DRC11: variants seen among roughly 807,000 people sequenced by gnomAD.
The protein encoded by DRC11 is dynein regulatory complex subunit 11.
chr2:236,432,744 A>C, the DRC11 span, among the ~76,000 whole-genome samples: 1 of 152,102 alleles, frequency 6.6e-6, no homozygotes, highest in Admixed American at 6.5e-5. Flanking sequence ...GTTTCCATGT[A>C]GGATTAAAAC....
chr2:236,497,501 G>A, the DRC11 span: 30 of 1,566,644 alleles, frequency 1.9e-5, no homozygotes, highest in Non-Finnish European at 2.4e-5. The surrounding 1 kb of genome is among the most constrained non-coding windows in gnomAD (Gnocchi z 5.1). Flanking sequence ...GGGGAAGAGA[G>A]AGAATTTAGA....
At chr2:236,397,098 G>A in the DRC11 span, among the ~76,000 whole-genome samples, 19 of 152,370 alleles carry the variant, frequency 1.2e-4, no homozygotes, top group African/African-American at 4.6e-4. The surrounding 1 kb of genome is among the most constrained non-coding windows in gnomAD (Gnocchi z 5.0). Context: ...CCAGCCTGCT[G>A]GAGGAAGCGC....
the DRC11 span, among the ~76,000 whole-genome samples, chr2:236,307,915 G>C: frequency 6.6e-6 from 1 of 151,768 alleles, no homozygotes; most frequent in Non-Finnish European, 1.5e-5. This position sits in a 1 kb window ranked among gnomAD's most constrained non-coding sequence, Gnocchi z 7.0. Context: ...ATATGCTTGC[G>C]GGGGCACAAG....
chr2:236,344,392 C>T, the DRC11 span, among the ~76,000 whole-genome samples: 7 of 152,318 alleles, frequency 4.6e-5, 1 homozygote, highest in Admixed American at 4.6e-4. Context: ...GACCACAGAA[C>T]CCTTTCAAAT....
chr2:236,306,985 G>A, the DRC11 span, among the ~76,000 whole-genome samples: 31 of 152,084 alleles, frequency 2.0e-4, no homozygotes, highest in African/African-American at 5.3e-4. This position sits in a 1 kb window ranked among gnomAD's most constrained non-coding sequence, Gnocchi z 5.9. Context: ...TTGCAGCCCC[G>A]TCCTATAATA....
At chr2:236,429,869 C>A in the DRC11 span, among the ~76,000 whole-genome samples, 2 of 152,056 alleles carry the variant, frequency 1.3e-5, no homozygotes, top group Admixed American at 1.3e-4. This position sits in a 1 kb window ranked among gnomAD's most constrained non-coding sequence, Gnocchi z 5.9. Flanking sequence ...TGAAGGGGGT[C>A]CCCTGCTTCT....
chr2:236,391,902 C>T, the DRC11 span: 3 of 1,281,704 alleles, frequency 2.3e-6, no homozygotes, highest in Non-Finnish European at 3.4e-6. This position sits in a 1 kb window ranked among gnomAD's most constrained non-coding sequence, Gnocchi z 4.5. Flanking sequence ...GGACATGCCA[C>T]AGCATGTCAG....
the DRC11 span, among the ~76,000 whole-genome samples, chr2:236,396,281 G>GC: frequency 1.7e-5 from 2 of 117,798 alleles, no homozygotes; most frequent in Non-Finnish European, 3.5e-5. Context: ...TTTCACACGT[G>GC]GGGGGGCAAT....
chr2:236,357,057 T>TTTATTCATATATTATATATCTATATA, the DRC11 span, among the ~76,000 whole-genome samples: 1 of 43,388 alleles, frequency 2.3e-5, no homozygotes, highest in Non-Finnish European at 4.1e-5. Context: ...TATATATCTA[T>TTTATTCATATATTATATATCTATATA]TTATATATTC....
the DRC11 span, among the ~76,000 whole-genome samples, chr2:236,465,020 G>C: frequency 1.3e-5 from 2 of 152,094 alleles, no homozygotes; most frequent in Non-Finnish European, 2.9e-5. The surrounding 1 kb of genome is among the most constrained non-coding windows in gnomAD (Gnocchi z 6.2). Context: ...AAATTATCCA[G>C]CCTCAGATAT....
chr2:236,409,151 G>C, the DRC11 span: 11 of 346,704 alleles, frequency 3.2e-5, no homozygotes, highest in Admixed American at 4.5e-4. Flanking sequence ...CTGTTGCCCA[G>C]GCTAGAGTGC....
At chr2:236,503,173 A>C in the DRC11 span, among the ~76,000 whole-genome samples, 1 of 152,208 alleles carries the variant, frequency 6.6e-6, no homozygotes. The surrounding 1 kb of genome is among the most constrained non-coding windows in gnomAD (Gnocchi z 4.9). Context: ...AATACCCTGA[A>C]GAGGCTGCCT....
chr2:236,477,520 A>G, the DRC11 span, among the ~76,000 whole-genome samples: 4 of 152,174 alleles, frequency 2.6e-5, no homozygotes, highest in Admixed American at 6.5e-5. Context: ...AAATCTGCTT[A>G]TAAGTGGGCC....
At chr2:236,380,599 G>T in the DRC11 span, 2 of 1,551,490 alleles carry the variant, frequency 1.3e-6, no homozygotes, top group Non-Finnish European at 1.7e-6. The surrounding 1 kb of genome is among the most constrained non-coding windows in gnomAD (Gnocchi z 4.9). Context: ...ATCCTTCTTT[G>T]CCTTCTTCTC....
At chr2:236,441,131 G>GA in the DRC11 span, 69 of 1,536,664 alleles carry the variant, frequency 4.5e-5, no homozygotes, top group South Asian at 1.6e-4. Context: ...ATTTCTGCAG[G>GA]AAAAAAAATA....
chr2:236,491,240 T>TAC, the DRC11 span, among the ~76,000 whole-genome samples: 17 of 52,512 alleles, frequency 3.2e-4, no homozygotes, highest in African/African-American at 1.3e-3. Context: ...TATATATATA[T>TAC]ACACAGTATA....
the DRC11 span, among the ~76,000 whole-genome samples, chr2:236,452,829 C>T: frequency 6.6e-6 from 1 of 152,140 alleles, no homozygotes; most frequent in Non-Finnish European, 1.5e-5. The surrounding 1 kb of genome is among the most constrained non-coding windows in gnomAD (Gnocchi z 4.7). Context: ...CAGGAACCTC[C>T]CCATCCAACT....
chr2:236,329,237 G>A, the DRC11 span, among the ~76,000 whole-genome samples: 5 of 152,256 alleles, frequency 3.3e-5, no homozygotes, highest in East Asian at 1.9e-4. Flanking sequence ...TTACTCCATC[G>A]GCAGCCTTAA....
At chr2:236,355,593 CTCCTCTCTT>C in the DRC11 span, among the ~76,000 whole-genome samples, 2 of 152,136 alleles carry the variant, frequency 1.3e-5, no homozygotes, top group East Asian at 3.9e-4. Context: ...CATGTCCTTA[CTCCTCTCTT>C]TCCTCTCCCC....
Sources: gnomAD v4.1 joint callset for allele counts (sites outside exome capture counted in the v4.1 genomes callset) on GRCh38, gnomAD v4.1.1 for gene constraint, Gnocchi (gnomAD v3.1) non-coding constraint, MANE v1.5 for transcripts, NCBI Gene and HGNC (gene_info 2026-07-23, HGNC 2026-07-21) for gene names.